SNTG1: variants seen among roughly 807,000 people sequenced by gnomAD.
SNTG1 encodes the protein gamma-1-syntrophin.
SNTG1 carries 39 observed loss-of-function variants against 74.7 expected under a neutral mutation model. That is an observed-to-expected ratio of 0.52 (90% CI 0.40 to 0.68). The LOEUF (loss-of-function observed/expected upper bound fraction) is 0.68. Among genes scored for constraint, SNTG1 ranks in the 30% least tolerant of loss-of-function variants. The probability of loss-of-function intolerance (pLI) is 0.00; values close to 1 mark genes in which losing one functional copy is unlikely to be tolerated. For missense variants in SNTG1, 685 were observed against 609.5 expected, an observed-to-expected ratio of 1.12 and a Z score of -1.30; for synonymous variants, 254 against 217.1, an observed-to-expected ratio of 1.17 and a Z score of -1.49.
At chr8:50,051,442 T>C (rs1819566219) in intron 1 of SNTG1, among the ~76,000 whole-genome samples, 1 of 152,146 alleles carries the variant, frequency 6.6e-6, no homozygotes, top group Non-Finnish European at 1.5e-5. Context: ...TGAATAAATT[T>C]AATGAAAAAG....
intron 2 of SNTG1, among the ~76,000 whole-genome samples, chr8:50,285,705 A>G (rs1418599713): frequency 6.6e-6 from 1 of 152,054 alleles, no homozygotes; most frequent in Non-Finnish European, 1.5e-5. Flanking sequence ...ACTTCTGGAC[A>G]GAAATAACAG....
chr8:49,935,215 GT>G, intron 1 of SNTG1, among the ~76,000 whole-genome samples: 1 of 149,512 alleles, frequency 6.7e-6, no homozygotes, highest in Non-Finnish European at 1.5e-5. Flanking sequence ...GTGTGTGTGT[GT>G]GTGTGTGTGT....
At chr8:50,653,127 T>G (rs2131247960) in intron 13 of SNTG1, among the ~76,000 whole-genome samples, 1 of 152,188 alleles carries the variant, frequency 6.6e-6, no homozygotes, top group South Asian at 2.1e-4. Flanking sequence ...TTTATTTATT[T>G]ATTTATTTAG....
chr8:50,637,064 G>A (rs1349998760), intron 13 of SNTG1, among the ~76,000 whole-genome samples: 1 of 152,164 alleles, frequency 6.6e-6, no homozygotes, highest in East Asian at 1.9e-4. Context: ...TTGCCTGAAA[G>A]TGCATGCATC....
intron 12 of SNTG1, among the ~76,000 whole-genome samples, chr8:50,569,413 G>T (rs1268641377): frequency 6.6e-6 from 1 of 150,916 alleles, no homozygotes; most frequent in Non-Finnish European, 1.5e-5. Flanking sequence ...AAAAAAAACT[G>T]TTTGGAAGCT....
intron 18 of SNTG1, among the ~76,000 whole-genome samples, chr8:50,764,605 T>C (rs757836270): frequency 3.3e-5 from 5 of 151,840 alleles, no homozygotes; most frequent in Non-Finnish European, 4.4e-5. Flanking sequence ...AAATGGCTAT[T>C]ATCAAAAAGG....
At chr8:50,236,049 C>T (rs1040873052) in intron 2 of SNTG1, among the ~76,000 whole-genome samples, 1 of 152,066 alleles carries the variant, frequency 6.6e-6, no homozygotes, top group Non-Finnish European at 1.5e-5. Context: ...CTCTGTCCCA[C>T]AGTGTGAGAG....
chr8:50,705,793 T>G (rs1197427170), intron 16 of SNTG1, among the ~76,000 whole-genome samples: 1 of 152,210 alleles, frequency 6.6e-6, no homozygotes, highest in African/African-American at 2.4e-5. Flanking sequence ...TCAGCTTCTG[T>G]CTTCACAAGA....
chr8:50,286,090 ACTTCT>A (rs1390177391), intron 2 of SNTG1, among the ~76,000 whole-genome samples: 6 of 151,716 alleles, frequency 4.0e-5, no homozygotes, highest in Non-Finnish European at 5.9e-5. Context: ...TATATGTATA[ACTTCT>A]CTTTTTCCTA....
chr8:50,138,465 A>T lies in SNTG1; in HGVS notation c.-102-34096A>T, dbSNP rs546128696. ...AAACTCCATCTCTACTAATAAAAAAAAAATAAAAAATTAGCCAGGCATGGT... is the reference window on the plus strand; with the variant it reads ...AAACTCCATCTCTACTAATAAAAAATAAATAAAAAATTAGCCAGGCATGGT... On this transcript the variant is annotated intron_variant, in intron 1 of 18. Coordinates refer to ENST00000642720, the MANE Select transcript of SNTG1 (RefSeq NM_018967.5). 1.5e-3 allele frequency among the ~76,000 whole-genome samples: 223 copies of T among 151,924 alleles called. 1 individual carries two copies. Among genetic ancestry groups the T allele is most frequent in the African/African-American group, 4.5e-3 (186 of 41,452 alleles).
At position 50,709,788 on chromosome 8, in the gene SNTG1, T is replaced by C. The variant is rs544749491; in HGVS notation, c.1284+810T>C. Among the ~76,000 whole-genome samples the C allele has an allele frequency of 7.2e-5, 11 of 152,322 alleles. No individual in the cohort carries two copies. In the South Asian group the frequency reaches 2.3e-3, roughly 32 times the overall value. ...ACATCCTCTTCCCTCTCATTGAGGA[T>C]CTCAGTTCCTTAGATCCATTCCATT... is the stretch of plus-strand genomic sequence containing the variant. On this transcript the variant is annotated intron_variant, in intron 17 of 18. Transcript: ENST00000642720.
intron 1 of SNTG1, among the ~76,000 whole-genome samples, chr8:50,135,036 A>ACC (rs2081428292): frequency 6.6e-6 from 1 of 152,164 alleles, no homozygotes; most frequent in African/African-American, 2.4e-5. Flanking sequence ...AATTATGTCA[A>ACC]CCCGGTAGTT....
chr8:49,969,401 T>A lies in SNTG1; in HGVS notation c.-103+57170T>A, dbSNP rs908808529. Among the ~76,000 whole-genome samples, 25 of 138,080 alleles carry A rather than the reference T, an allele frequency of 1.8e-4. 1 individual carries two copies. Among genetic ancestry groups the A allele is most frequent in the African/African-American group, 6.0e-4 (22 of 36,400 alleles). 90.6% of individuals were successfully genotyped at this position (138,080 alleles called of 152,430 possible). ...ATTCATTTAATCTTTTTTTTTTTTT[T>A]TTTTTTTTTTTTTGAAATGGACTCT... On this transcript the variant is annotated intron_variant, in intron 1 of 18. Transcript: ENST00000642720.
rs529588900 is a variant in SNTG1 at position 50,404,369 on chromosome 8, G to A, written c.162+2025G>A. Among the ~76,000 whole-genome samples, 9 of 152,144 alleles carry A rather than the reference G, an allele frequency of 5.9e-5. No homozygotes were observed. The East Asian group carries it at 1.2e-3, about 20-fold the overall frequency. ...ACATCTTTCTAAATATTCCAAACCA[G>A]TCAAAACCCCAAAATATTTGTGTGG... On this transcript the variant is annotated intron_variant, in intron 4 of 18. Transcript: ENST00000642720.
At chr8:50,600,151 C>T (rs537495945) in intron 13 of SNTG1, among the ~76,000 whole-genome samples, 17 of 152,184 alleles carry the variant, frequency 1.1e-4, no homozygotes, top group African/African-American at 3.9e-4. Flanking sequence ...TGTGATAAAT[C>T]CCACTTGGTC....
chr8:50,014,062 A>C (rs1816080164), intron 1 of SNTG1, among the ~76,000 whole-genome samples: 4 of 152,198 alleles, frequency 2.6e-5, no homozygotes, highest in Admixed American at 1.3e-4. Flanking sequence ...ACTAAACTAC[A>C]GTATGACAGC....
At chr8:50,657,748 A>G (rs550713370) in intron 14 of SNTG1, among the ~76,000 whole-genome samples, 1 of 152,272 alleles carries the variant, frequency 6.6e-6, no homozygotes, top group South Asian at 2.1e-4. Flanking sequence ...GTCTCTCTAT[A>G]TAAAATCAAT....
chr8:50,235,507 TA>T (rs2085843623), intron 2 of SNTG1, among the ~76,000 whole-genome samples: 1 of 152,110 alleles, frequency 6.6e-6, no homozygotes, highest in Non-Finnish European at 1.5e-5. Flanking sequence ...AATTATGACA[TA>T]AAAACAACAG....
chr8:50,071,046 C>T (rs907800722), intron 1 of SNTG1, among the ~76,000 whole-genome samples: 1 of 152,152 alleles, frequency 6.6e-6, no homozygotes, highest in Non-Finnish European at 1.5e-5. Context: ...TGTTCTAAGG[C>T]CTGGACCCAT....
Sources: gnomAD v4.1 joint callset for allele counts (sites outside exome capture counted in the v4.1 genomes callset) on GRCh38, gnomAD v4.1.1 for gene constraint, MANE v1.5 for transcripts, NCBI Gene and HGNC (gene_info 2026-07-23, HGNC 2026-07-21) for gene names.